NPAS3: variants seen among roughly 807,000 people sequenced by gnomAD.
The protein encoded by NPAS3 is neuronal PAS domain-containing protein 3.
Under a neutral mutation model 73.1 loss-of-function variants are expected in NPAS3, and 14 were observed. That is an observed-to-expected ratio of 0.19 (90% CI 0.13 to 0.30). The LOEUF (loss-of-function observed/expected upper bound fraction) is 0.30. NPAS3 is among the 10% of genes least tolerant of loss of function. The pLI, the probability that NPAS3 is intolerant of heterozygous loss-of-function variation, is 1.00. For synonymous variants in NPAS3, 620 were observed against 541.5 expected (o/e 1.14, Z -2.01); for missense variants, 1,096 against 1,250.0 (o/e 0.88, Z 1.86).
At chr14:33,506,809 C>G (rs148794761) in intron 4 of NPAS3, among the ~76,000 whole-genome samples, 12 of 152,080 alleles carry the variant, frequency 7.9e-5, no homozygotes, top group East Asian at 3.9e-4. Flanking sequence ...CAGTCTCCCC[C>G]CTAATTCCCC....
At chr14:33,482,750 A>C (rs1002866135) in intron 4 of NPAS3, among the ~76,000 whole-genome samples, 1 of 151,764 alleles carries the variant, frequency 6.6e-6, no homozygotes, top group East Asian at 1.9e-4. Context: ...TCTTTGCCCA[A>C]CCTTCACCCC....
chr14:33,169,320 C>G (rs1282753233), intron 2 of NPAS3, among the ~76,000 whole-genome samples: 1 of 152,166 alleles, frequency 6.6e-6, no homozygotes, highest in Admixed American at 6.5e-5. Context: ...GTAATCCCAG[C>G]ACTTTGGGAG....
intron 6 of NPAS3, among the ~76,000 whole-genome samples, chr14:33,692,489 T>C (rs1235667275): frequency 6.6e-6 from 1 of 152,140 alleles, no homozygotes. Context: ...ATTGAGTTAT[T>C]CATTTTATGC....
intron 3 of NPAS3, among the ~76,000 whole-genome samples, chr14:33,266,535 T>A (rs1239508990): frequency 6.6e-6 from 1 of 152,182 alleles, no homozygotes; most frequent in Non-Finnish European, 1.5e-5. Context: ...AAGCAGTATT[T>A]AAAAACTAAA....
intron 2 of NPAS3, among the ~76,000 whole-genome samples, chr14:33,129,031 A>G (rs950723470): frequency 6.6e-6 from 1 of 152,018 alleles, no homozygotes; most frequent in Non-Finnish European, 1.5e-5. Flanking sequence ...ATTTTTTTCC[A>G]GGTTTTTGTA....
At chr14:33,437,996 A>T (rs1043415990) in intron 4 of NPAS3, among the ~76,000 whole-genome samples, 43 of 152,350 alleles carry the variant, frequency 2.8e-4, no homozygotes, top group Middle Eastern at 3.4e-3. Flanking sequence ...GAATTTTATA[A>T]TGAAGATGTA....
chr14:33,562,258 G>A (rs2055686642), intron 5 of NPAS3, among the ~76,000 whole-genome samples: 1 of 152,204 alleles, frequency 6.6e-6, no homozygotes, highest in African/African-American at 2.4e-5. Context: ...ACGCTTCTGT[G>A]AAATAAAGCA....
rs540520929 is a variant in NPAS3 at position 33,072,211 on chromosome 14, T to G, written c.140+16217T>G. Among the ~76,000 whole-genome samples, 305 of 152,316 alleles carry G rather than the reference T, an allele frequency of 2.0e-3. 2 individuals are homozygous for G. Among genetic ancestry groups the G allele is most frequent in the African/African-American group, 7.2e-3 (301 of 41,572 alleles). On this transcript the variant is annotated intron_variant, in intron 2 of 11. Transcript: ENST00000356141. Reference sequence around the variant, plus strand: ...TGGCCAGATTCTGTGTTTTTAAAAGTGTCAACTTTGCTTTTAAATAACGGT... The same window carrying G: ...TGGCCAGATTCTGTGTTTTTAAAAGGGTCAACTTTGCTTTTAAATAACGGT...
chr14:33,674,736 C>A (rs1295451499), intron 5 of NPAS3, among the ~76,000 whole-genome samples: 1 of 152,186 alleles, frequency 6.6e-6, no homozygotes, highest in Non-Finnish European at 1.5e-5. Context: ...GTAAAAGTTA[C>A]GCGAGCCTTT....
At chr14:33,217,616 G>A (rs2047272507) in intron 3 of NPAS3, among the ~76,000 whole-genome samples, 1 of 152,096 alleles carries the variant, frequency 6.6e-6, no homozygotes, top group African/African-American at 2.4e-5. Context: ...ATTGTTAAAG[G>A]GGTTTGTAGT....
At chr14:33,367,910 T>C (rs2045915173) in intron 4 of NPAS3, among the ~76,000 whole-genome samples, 1 of 152,152 alleles carries the variant, frequency 6.6e-6, no homozygotes, top group South Asian at 2.1e-4. Context: ...AAACTCGTCA[T>C]CTCACTTATT....
intron 6 of NPAS3, chr14:33,680,611 T>C (rs1342051567): frequency 1.4e-6 from 1 of 702,912 alleles, no homozygotes; most frequent in East Asian, 2.7e-5. Flanking sequence ...AGTGGTTTGC[T>C]TCCCACCAGC....
At chr14:33,138,979 G>A (rs1229840140) in intron 2 of NPAS3, among the ~76,000 whole-genome samples, 1 of 152,170 alleles carries the variant, frequency 6.6e-6, no homozygotes, top group South Asian at 2.1e-4. Flanking sequence ...CATTTGGTAA[G>A]TGGAATATAT....
intron 1 of NPAS3, among the ~76,000 whole-genome samples, chr14:32,941,195 C>T (rs2035978606): frequency 1.1e-5 from 1 of 90,270 alleles, no homozygotes; most frequent in South Asian, 5.8e-4. Context: ...TTTCTTCCCC[C>T]TCCCCTCCCC....
chr14:33,430,083 T>C (rs1302404536), intron 4 of NPAS3, among the ~76,000 whole-genome samples: 1 of 152,134 alleles, frequency 6.6e-6, no homozygotes, highest in Non-Finnish European at 1.5e-5. Flanking sequence ...GTAATCTGGC[T>C]TGGTATTTTA....
intron 2 of NPAS3, among the ~76,000 whole-genome samples, chr14:33,135,153 A>G (rs965767533): frequency 6.6e-6 from 1 of 152,210 alleles, no homozygotes; most frequent in Admixed American, 6.5e-5. Context: ...TCTGGACTCC[A>G]CAGCTATTTT....
intron 7 of NPAS3, among the ~76,000 whole-genome samples, chr14:33,770,254 T>A (rs372445162): frequency 2.2e-3 from 338 of 152,276 alleles, no homozygotes; most frequent in African/African-American, 7.6e-3. Context: ...TCTCAGGTAG[T>A]TAGTATCACC....
intron 4 of NPAS3, among the ~76,000 whole-genome samples, chr14:33,461,483 G>A (rs1379186858): frequency 6.6e-6 from 1 of 152,164 alleles, no homozygotes; most frequent in Admixed American, 6.5e-5. Context: ...GACAGTATGG[G>A]TCAAACATCT....
chr14:33,437,961 A>G (rs992136212), intron 4 of NPAS3, among the ~76,000 whole-genome samples: 4 of 152,218 alleles, frequency 2.6e-5, no homozygotes, highest in Non-Finnish European at 5.9e-5. Flanking sequence ...TAGTTGTTAA[A>G]GTGTACAACA....
Sources: gnomAD v4.1 joint callset for allele counts (sites outside exome capture counted in the v4.1 genomes callset) on GRCh38, gnomAD v4.1.1 for gene constraint, MANE v1.5 for transcripts, NCBI Gene and HGNC (gene_info 2026-07-23, HGNC 2026-07-21) for gene names.